CAB39L: variants seen among roughly 807,000 people sequenced by gnomAD.
The protein encoded by CAB39L is calcium binding protein 39 like, also known as calcium-binding protein 39-like.
Under a neutral mutation model 39.1 loss-of-function variants are expected in CAB39L, and 23 were observed. The ratio of observed to expected loss-of-function variants is 0.59; its 90% CI spans 0.42 to 0.83. The LOEUF (loss-of-function observed/expected upper bound fraction) is 0.83. CAB39L is among the 40% of genes least tolerant of loss of function. The pLI, the probability that CAB39L is intolerant of heterozygous loss-of-function variation, is 0.00. For missense variants in CAB39L, 366 were observed against 391.9 expected, an observed-to-expected ratio of 0.93 and a Z score of 0.56; for synonymous variants, 126 against 137.2, an observed-to-expected ratio of 0.92 and a Z score of 0.57.
In CAB39L at chr13:49,405,569, G is replaced by C. The variant is rs140619635; in HGVS notation, c.-31-22628C>G. Among the ~76,000 whole-genome samples the C allele has an allele frequency of 3.1e-3, 477 of 152,048 alleles. 7 individuals are homozygous for C. The highest frequency in any genetic ancestry group is 0.011 in the African/African-American group (453 of 41,458). ...ACAGGAGGATTGCTTGAGCAGAGAA[G>C]TTCAAGACCAGCCTGAATAACATAG... On this transcript the variant is annotated intron_variant, in intron 3 of 10. Transcript: ENST00000409308.
chr13:49,369,590 A>C lies in CAB39L; in HGVS notation c.276+7377T>G, dbSNP rs554411525. On this transcript the variant is annotated intron_variant, in intron 5 of 10. Coordinates refer to ENST00000409308, the MANE Select transcript of CAB39L (RefSeq NM_001079670.3). ...AGATGATTACAAAGAGGCAAAGGAGATTTTTTTTTTTTTTTGAGACAAAGT... is the reference window on the plus strand; with the variant it reads ...AGATGATTACAAAGAGGCAAAGGAGCTTTTTTTTTTTTTTTGAGACAAAGT... Among the ~76,000 whole-genome samples the C allele has an allele frequency of 4.8e-4, 71 of 146,832 alleles. 1 individual carries two copies. Among genetic ancestry groups the C allele is most frequent in the African/African-American group, 1.7e-3 (69 of 39,984 alleles).
At position 49,382,832 on chromosome 13, in the gene CAB39L, T is replaced by C. The variant is rs1266837410; in HGVS notation, c.79A>G (p.Ile27Val). The change falls in exon 4 of 11, where the codon ATT (isoleucine) becomes GTT (valine). Residue 27 changes from isoleucine (I) to valine (V), a missense_variant. Physicochemically the swap from Ile to Val is conservative, Grantham distance 29. Coordinates refer to ENST00000409308, the MANE Select transcript of CAB39L (RefSeq NM_001079670.3). ...IVKILKDNLA[I>V]LEKQDKKTDK... ...GTCTTTTTGTCTTGCTTTTCCAAAA[T>C]GGCCAAATTGTCTTTCAGGATTTTC... 1.9e-6 allele frequency: 3 copies of C among 1,611,650 alleles called. No individual in the cohort carries two copies. Among genetic ancestry groups the C allele is most frequent in the Admixed American group, 3.4e-5 (2 of 59,648 alleles).
chr13:49,321,045 C>T lies in CAB39L; in HGVS notation c.835-10052G>A, dbSNP rs111377982. On this transcript the variant is annotated intron_variant, in intron 10 of 10. Transcript: ENST00000409308. Reference sequence around the variant, plus strand: ...AACCTCTAGAATCTCCTGAAATCCTCCTCCTCACTGCCACCATTCTTACCA... The same window carrying T: ...AACCTCTAGAATCTCCTGAAATCCTTCTCCTCACTGCCACCATTCTTACCA... 7.6e-3 allele frequency among the ~76,000 whole-genome samples: 1,159 copies of T among 152,298 alleles called. 7 individuals are homozygous for T. Among genetic ancestry groups the T allele is most frequent in the Non-Finnish European group, 0.011 (774 of 68,018 alleles).
At chr13:49,395,887 G>A (rs1258450531) in intron 3 of CAB39L, among the ~76,000 whole-genome samples, 1 of 152,070 alleles carries the variant, frequency 6.6e-6, no homozygotes, top group Non-Finnish European at 1.5e-5. Context: ...GCCACTTGGA[G>A]CATTAAATGC....
chr13:49,359,536 G>A (rs1418746427), intron 6 of CAB39L, among the ~76,000 whole-genome samples, 178 bp downstream of exon 6: 1 of 152,162 alleles, frequency 6.6e-6, no homozygotes, highest in Non-Finnish European at 1.5e-5. Flanking sequence ...AAGGTGCAAA[G>A]AAAGGATTTT....
intron 1 of CAB39L, among the ~76,000 whole-genome samples, chr13:49,443,082 C>G (rs1957570263): frequency 1.4e-5 from 1 of 69,972 alleles, no homozygotes; most frequent in African/African-American, 5.9e-5. Flanking sequence ...CACAACAATG[C>G]TAAAAAAAAA....
At position 49,359,721 on chromosome 13, in the gene CAB39L, G is replaced by C; in HGVS notation, c.388C>G (p.Leu130Val). The C allele has an allele frequency of 6.3e-7, 1 of 1,576,710 alleles. No individual in the cohort carries two copies. The highest frequency in any genetic ancestry group is 1.1e-5 in the South Asian group (1 of 89,300). Residue 130 changes from leucine (L) to valine (V), a missense_variant, in exon 6 of 11, where the codon CTC (leucine) becomes GTC (valine). Coordinates refer to ENST00000409308, the MANE Select transcript of CAB39L (RefSeq NM_001079670.3). ...AGGAAGCCATGTACCTACCCTTTGAGGAGCATAAACAGGATATGAGGATGA... is the reference window on the plus strand; with the variant it reads ...AGGAAGCCATGTACCTACCCTTTGACGAGCATAAACAGGATATGAGGATGA... ...SAHPHILFMLLKGYEAPQIAL... is the reference protein window; with the variant it reads ...SAHPHILFMLVKGYEAPQIAL...
At chr13:49,417,041 T>C (rs950726703) in intron 3 of CAB39L, among the ~76,000 whole-genome samples, 4 of 152,214 alleles carry the variant, frequency 2.6e-5, no homozygotes, top group Non-Finnish European at 5.9e-5. Context: ...TTGAATTAGA[T>C]CTCACAGTTT....
chr13:49,378,664 G>A (rs1439022292), intron 4 of CAB39L, among the ~76,000 whole-genome samples: 2 of 62,338 alleles, frequency 3.2e-5, no homozygotes, highest in African/African-American at 1.0e-4. Context: ...CCCCTACTGG[G>A]AAGTGAGGAG....
At chr13:49,437,308 A>G (rs1957433600) in intron 1 of CAB39L, among the ~76,000 whole-genome samples, 1 of 152,062 alleles carries the variant, frequency 6.6e-6, no homozygotes, top group South Asian at 2.1e-4. Flanking sequence ...GGTGGGAGAA[A>G]TGAGTATCTA....
intron 10 of CAB39L, among the ~76,000 whole-genome samples, chr13:49,323,959 T>C (rs1191665734): frequency 6.6e-6 from 1 of 152,200 alleles, no homozygotes; most frequent in Non-Finnish European, 1.5e-5. Context: ...TCTTGTATTT[T>C]ATCTGGCAAT....
At chr13:49,399,223 G>A (rs1293313538) in intron 3 of CAB39L, among the ~76,000 whole-genome samples, 1 of 152,024 alleles carries the variant, frequency 6.6e-6, no homozygotes, top group Non-Finnish European at 1.5e-5. Flanking sequence ...CTTAGGAATG[G>A]CTAAGTACAA....
intron 3 of CAB39L, chr13:49,401,434 C>T (rs1956768499): frequency 6.6e-6 from 1 of 152,250 alleles, no homozygotes; most frequent in Admixed American, 6.5e-5. Context: ...TGCTTGCTCT[C>T]AGATTCCAAG....
At chr13:49,371,872 G>A (rs1168000179) in intron 5 of CAB39L, among the ~76,000 whole-genome samples, 4 of 152,054 alleles carry the variant, frequency 2.6e-5, no homozygotes, top group Non-Finnish European at 1.5e-5. Context: ...GATTATAGGC[G>A]TGAGCCACTG....
intron 3 of CAB39L, among the ~76,000 whole-genome samples, chr13:49,405,711 A>AAGAG (rs1416029713): frequency 1.4e-5 from 2 of 143,508 alleles, no homozygotes; most frequent in Non-Finnish European, 3.1e-5. Context: ...GAAAGAAAGA[A>AAGAG]AGAGAGAGAG....
intron 9 of CAB39L, among the ~76,000 whole-genome samples, chr13:49,333,433 G>T (rs1380351921): frequency 6.6e-6 from 1 of 152,000 alleles, no homozygotes; most frequent in Non-Finnish European, 1.5e-5. Context: ...ACTTGGATCT[G>T]CTATCTTTTA....
At chr13:49,398,658 T>C (rs1956692917) in intron 3 of CAB39L, among the ~76,000 whole-genome samples, 1 of 152,148 alleles carries the variant, frequency 6.6e-6, no homozygotes, top group Admixed American at 6.5e-5. Context: ...GTATTGTTTA[T>C]TTCATTATTA....
At chr13:49,386,618 T>A (rs1229696613) in intron 3 of CAB39L, among the ~76,000 whole-genome samples, 1 of 152,332 alleles carries the variant, frequency 6.6e-6, no homozygotes. Context: ...TAACAATGTT[T>A]TAAAATTTCA....
chr13:49,421,135 C>A (rs1957166205), intron 3 of CAB39L, among the ~76,000 whole-genome samples: 1 of 152,176 alleles, frequency 6.6e-6, no homozygotes, highest in Non-Finnish European at 1.5e-5. Context: ...CTATATCCCA[C>A]TCTGGATACT....
Sources: gnomAD v4.1 joint callset for allele counts (sites outside exome capture counted in the v4.1 genomes callset) on GRCh38, gnomAD v4.1.1 for gene constraint, MANE v1.5 for transcripts, NCBI Gene and HGNC (gene_info 2026-07-23, HGNC 2026-07-21) for gene names.